The following SLC4A9 variants were observed in gnomAD, a reference collection of about 807,000 sequenced individuals.
SLC4A9 encodes anion exchange protein 4.
In SLC4A9, 102 loss-of-function variants were observed where a neutral mutation model predicts 103.2. That is an observed-to-expected ratio of 0.99 (90% CI 0.84 to 1.17). SLC4A9 has a LOEUF of 1.17. SLC4A9 is among the 50% of genes most tolerant of loss of function. The pLI, the probability that SLC4A9 is intolerant of heterozygous loss-of-function variation, is 0.00. For missense variants in SLC4A9, 1,091 were observed against 1,193.7 expected (o/e 0.91, Z 1.27); for synonymous variants, 453 against 483.6 (o/e 0.94, Z 0.83).
In SLC4A9 at chr5:140,364,597, G is replaced by T. The variant is rs762682212; in HGVS notation, c.1623G>T (p.Gly541=). ...AGAAGCCTGGGTCCTCTGCCTACGG[G>T]TGCCTCTGCCAATACCCAGGCCCAG... ...PIQKPGSSAY[G]CLCQYPGPGG... is the part of the protein sequence containing the mutation. Residue 541 remains glycine, a synonymous_variant, in exon 11 of 22, where the codon GGG becomes GGT. Transcript: ENST00000506757. 1.2e-6 allele frequency: 2 copies of T among 1,601,458 alleles called. No individual in the cohort carries two copies. The highest frequency in any genetic ancestry group is 1.7e-6 in the Non-Finnish European group (2 of 1,173,824).
chr5:140,373,022 G>A (rs977612777), intron 21 of SLC4A9, among the ~76,000 whole-genome samples, 179 bp downstream of exon 21: 1 of 152,198 alleles, frequency 6.6e-6, no homozygotes, highest in Non-Finnish European at 1.5e-5. Flanking sequence ...ACTGGCAAGG[G>A]TGCCTGGGCT....
chr5:140,369,570 A>G (rs1768391202), intron 17 of SLC4A9, among the ~76,000 whole-genome samples: 1 of 152,206 alleles, frequency 6.6e-6, no homozygotes, highest in South Asian at 2.1e-4. Context: ...GACAAGGGTC[A>G]CTGGCAGGAC....
chr5:140,365,044 G>C (rs1266106611), intron 11 of SLC4A9, among the ~76,000 whole-genome samples: 1 of 152,238 alleles, frequency 6.6e-6, no homozygotes, highest in East Asian at 1.9e-4. Flanking sequence ...TTCATTTCCT[G>C]AAATCACCAA....
chr5:140,367,870 G>A lies in SLC4A9; in HGVS notation c.2326G>A (p.Gly776Arg), dbSNP rs780623829. The change falls in exon 16 of 22, where the codon GGG (glycine) becomes AGG (arginine). Residue 776 changes from glycine (G) to arginine (R), a missense_variant. Coordinates refer to ENST00000506757, the MANE Select transcript of SLC4A9 (RefSeq NM_031467.3). ...GAGAGAGAGCAGAGCCTGTGCCCCC[G>A]GGGAGCGCCCCAACTTCCTGGGTAT... ...LRRESRACAP[G>R]ERPNFLGIRE... 2.4e-5 allele frequency: 38 copies of A among 1,613,674 alleles called. No homozygotes were observed. The highest frequency in any genetic ancestry group is 3.3e-5 in the South Asian group (3 of 91,040).
At chr5:140,366,421 G>A (rs1382305118) in intron 14 of SLC4A9, among the ~76,000 whole-genome samples, 157 bp downstream of exon 14, 2 of 152,134 alleles carry the variant, frequency 1.3e-5, no homozygotes, top group African/African-American at 2.4e-5. Flanking sequence ...GTTGTCATGA[G>A]GATTAAATGA....
intron 21 of SLC4A9, among the ~76,000 whole-genome samples, chr5:140,374,000 C>A (rs1454836152): frequency 6.6e-6 from 1 of 151,470 alleles, no homozygotes; most frequent in Non-Finnish European, 1.5e-5. Context: ...TTGAGACCAG[C>A]CTGGCCAACA....
intron 5 of SLC4A9, 87 bp from the exon 6 acceptor site, chr5:140,362,358 C>A: frequency 7.3e-7 from 1 of 1,367,978 alleles, no homozygotes; most frequent in Non-Finnish European, 1.0e-6. Flanking sequence ...TTTATGGGAG[C>A]TGATAGGTCA....
rs944811930 is a variant in SLC4A9 at position 140,367,444 on chromosome 5, CT to C, written c.2039del (p.Leu680ArgfsTer61). On this transcript the variant is annotated frameshift_variant, in exon 15 of 22. Coordinates refer to ENST00000506757, the MANE Select transcript of SLC4A9 (RefSeq NM_031467.3). LOFTEE classifies it high-confidence loss of function. ...FKPTLPGRGW[L>X]VSPFGANPWW... ...GCCCACACTCCCTGGGCGTGGCTGG[CT>C]GGTGTCACCTTTTGGAGCCAACCCC... is the stretch of plus-strand genomic sequence containing the variant. 4 of 1,611,260 alleles carry C rather than the reference CT, an allele frequency of 2.5e-6. No individual in the cohort carries two copies. The African/African-American group carries it at 5.3e-5, about 22-fold the overall frequency.
At chr5:140,361,492 C>T (rs1221544875) in intron 3 of SLC4A9, 125 bp downstream of exon 3, 2 of 744,468 alleles carry the variant, frequency 2.7e-6, no homozygotes, top group Non-Finnish European at 2.2e-6. Flanking sequence ...GACTCATGAG[C>T]AAGAGGAAAC....
At chr5:140,367,684 T>C in intron 15 of SLC4A9, 36 bp from the exon 16 acceptor site, 8 of 1,611,942 alleles carry the variant, frequency 5.0e-6, no homozygotes, top group Non-Finnish European at 6.8e-6. Flanking sequence ...GGGCCTGGGC[T>C]AGCTTCATCC....
At chr5:140,373,017 C>A (rs757380763) in intron 21 of SLC4A9, among the ~76,000 whole-genome samples, 174 bp downstream of exon 21, 2 of 152,140 alleles carry the variant, frequency 1.3e-5, no homozygotes, top group Non-Finnish European at 2.9e-5. Context: ...GAGTAACTGG[C>A]AAGGGTGCCT....
chr5:140,372,975 G>A, intron 21 of SLC4A9, 132 bp downstream of exon 21: 1 of 544,362 alleles, frequency 1.8e-6, no homozygotes, highest in Non-Finnish European at 3.1e-6. Flanking sequence ...GATTGGGGGT[G>A]CTGGGGTGTA....
At position 140,362,126 on chromosome 5, in the gene SLC4A9, G is replaced by A. The variant is rs756887049; in HGVS notation, c.671G>A (p.Arg224Gln). 61 of 1,572,510 alleles carry A rather than the reference G, an allele frequency of 3.9e-5. No homozygotes were observed. The highest frequency in any genetic ancestry group is 1.7e-4 in the Middle Eastern group (1 of 5,896). Residue 224 changes from arginine to glutamine, a missense_variant, in exon 5 of 22, where the codon CGG becomes CAG. Physicochemically the swap from Arg to Gln is conservative, Grantham distance 43. Transcript: ENST00000506757. Reference protein sequence around the residue: ...AQPLGAFVRLRNPVVLGSLTE... With the variant: ...AQPLGAFVRLQNPVVLGSLTE... ...CCACTGGGAGCCTTTGTTCGACTGC[G>A]GAACCCTGTGGTACTGGGGTCCCTT...
chr5:140,372,904 G>T (rs1027337001), intron 21 of SLC4A9, 61 bp downstream of exon 21: 18 of 1,006,342 alleles, frequency 1.8e-5, no homozygotes, highest in Middle Eastern at 3.2e-4. Context: ...TCAGACCTTG[G>T]AACTCTCCAG....
rs762473449 is a variant in SLC4A9, at chr5:140,371,162, A to G, written c.2495A>G (p.Gln832Arg). ...GGGGTGGCAGCGCTCAGCAGCATTC[A>G]GGTGAGCCCATTAAAATCACCTAAC... is the stretch of plus-strand genomic sequence containing the variant. ...YMGVAALSSI[Q>R]FTNRVKLLLM... is the part of the protein sequence containing the mutation. Residue 832 changes from glutamine (Q) to arginine (R), a missense_variant and splice_region_variant, in exon 18 of 22, where the codon CAG becomes CGG. Coordinates refer to ENST00000506757, the MANE Select transcript of SLC4A9 (RefSeq NM_031467.3). 1.2e-6 allele frequency: 2 copies of G among 1,609,556 alleles called. No individual in the cohort carries two copies. The highest frequency in any genetic ancestry group is 1.7e-5 in the Admixed American group (1 of 59,244).
rs1204493534 is a variant in SLC4A9, at chr5:140,365,930, A to G, written c.1807A>G (p.Ile603Val). The G allele has an allele frequency of 1.2e-6, 2 of 1,613,954 alleles. No homozygotes were observed. The highest frequency in any genetic ancestry group is 1.3e-5 in the African/African-American group (1 of 75,026). Residue 603 changes from isoleucine to valine, a missense_variant, in exon 13 of 22, where the codon ATT (isoleucine) becomes GTT (valine). By Grantham distance (29) the Ile-to-Val change is conservative (BLOSUM62 3). Transcript: ENST00000506757. ...RGPGCHTVPD[I>V]AFFSLLLFLT... ...CCCTGGCTGTCATACAGTCCCAGAC[A>G]TTGCCTTCTTCTCCCTTCTCCTCTT... is the stretch of plus-strand genomic sequence containing the variant.
intron 21 of SLC4A9, among the ~76,000 whole-genome samples, chr5:140,373,257 A>G (rs2126803192): frequency 6.6e-6 from 1 of 152,308 alleles, no homozygotes; most frequent in East Asian, 1.9e-4. Flanking sequence ...GGAAATCTCT[A>G]TCACTTGTCC....
intron 5 of SLC4A9, 32 bp downstream of exon 5, chr5:140,362,206 T>C (rs1767191647): frequency 6.7e-7 from 1 of 1,492,664 alleles, no homozygotes; most frequent in South Asian, 1.4e-5. Context: ...GAGTCAGGGA[T>C]CCCAGAACCT....
intron 2 of SLC4A9, 51 bp downstream of exon 2, chr5:140,361,023 C>A: frequency 6.8e-7 from 1 of 1,471,172 alleles, no homozygotes; most frequent in South Asian, 1.3e-5. Flanking sequence ...GCCTTTTCCC[C>A]AGGATTTCCC....
Sources: gnomAD v4.1 joint callset for allele counts (sites outside exome capture counted in the v4.1 genomes callset) on GRCh38, gnomAD v4.1.1 for gene constraint, MANE v1.5 for transcripts, NCBI Gene and HGNC (gene_info 2026-07-23, HGNC 2026-07-21) for gene names.